QSER1: variants seen among roughly 807,000 people sequenced by gnomAD.
QSER1 encodes the protein glutamine and serine rich 1, also known as glutamine and serine-rich protein 1.
QSER1 carries 49 observed loss-of-function variants against 158.5 expected under a neutral mutation model. That is an observed-to-expected ratio of 0.31 (90% CI 0.25 to 0.39). The LOEUF (loss-of-function observed/expected upper bound fraction) is 0.39, where lower values mean the gene tolerates loss of function less well. Ranked by LOEUF, QSER1 falls within the 10% of genes least tolerant of loss-of-function variation. QSER1 has a pLI of 1.00. For synonymous variants in QSER1, 650 were observed against 715.5 expected, an observed-to-expected ratio of 0.91 and a Z score of 1.46; for missense variants, 1,754 against 2,010.3, an observed-to-expected ratio of 0.87 and a Z score of 2.44.
Position 32,954,163 on chromosome 11 carries a change from A to G in QSER1, c.4484A>G (p.Asp1495Gly). 5.0e-6 allele frequency: 8 copies of G among 1,613,064 alleles called. No individual in the cohort carries two copies. The highest frequency in any genetic ancestry group is 6.8e-6 in the Non-Finnish European group (8 of 1,179,746). ...ERDEFVVKIE[D>G]IETFKEALKT... ...GATGAATTTGTGGTAAAGATAGAAG[A>G]CATAGAGACTTTTAAGGTGATGTCA... The change falls in exon 5 of 13, where the codon GAC (aspartate) becomes GGC (glycine). Residue 1495 changes from aspartate to glycine, a missense_variant. Asp to Gly is a moderately conservative substitution (Grantham distance 94). This residue lies in a region of QSER1 where 1,707 missense variants were observed against 1,919.6 expected (regional missense o/e 0.89). Transcript: ENST00000650167.
In QSER1 at chr11:32,958,006, G is replaced by T; in HGVS notation, c.4889G>T (p.Arg1630Leu). 25 of 1,613,958 alleles carry T rather than the reference G, an allele frequency of 1.5e-5. No individual in the cohort carries two copies. The highest frequency in any genetic ancestry group is 2.1e-5 in the Non-Finnish European group (25 of 1,179,960). ...AAGGCTGAGCCACCACCAAAGAAAC[G>T]GAAAAAATGGAAAGAAGAATTTTCA... is the stretch of plus-strand genomic sequence containing the variant. The part of the protein sequence containing the change: ...KVKAEPPPKK[R>L]KKWKEEFSSS... Residue 1630 changes from arginine (R) to leucine (L), a missense_variant, in exon 8 of 13, where the codon CGG (arginine) becomes CTG (leucine). Transcript: ENST00000650167.
intron 10 of QSER1, among the ~76,000 whole-genome samples, chr11:32,972,406 CTTATTTAT>C (rs34645067): frequency 0.14 from 19,607 of 140,864 alleles, 1,449 homozygotes; most frequent in Middle Eastern, 0.17. Flanking sequence ...AGGCCAGTGG[CTTATTTAT>C]TTATTTATTT....
intron 1 of QSER1, among the ~76,000 whole-genome samples, chr11:32,904,296 G>A (rs1465909290): frequency 1.3e-5 from 2 of 151,558 alleles, no homozygotes; most frequent in Non-Finnish European, 2.9e-5. Context: ...AGGTTCAAGC[G>A]ATTCTCCTGC....
chr11:32,937,505 C>G (rs1852170258), intron 4 of QSER1, among the ~76,000 whole-genome samples: 1 of 152,066 alleles, frequency 6.6e-6, no homozygotes. Context: ...CCAGGCTGGT[C>G]TTGAACTCCT....
intron 11 of QSER1, among the ~76,000 whole-genome samples, chr11:32,974,746 G>C (rs575455576): frequency 3.2e-4 from 48 of 152,282 alleles, no homozygotes; most frequent in African/African-American, 1.1e-3. Flanking sequence ...GGGAGGGACA[G>C]CTATATGTAC....
intron 10 of QSER1, among the ~76,000 whole-genome samples, chr11:32,969,759 G>A (rs941696843): frequency 6.8e-5 from 10 of 147,962 alleles, no homozygotes; most frequent in African/African-American, 2.2e-4. Flanking sequence ...ACCTTGGCTC[G>A]CTGCAACCTC....
chr11:32,972,462 GTC>G (rs1852883578), intron 10 of QSER1, among the ~76,000 whole-genome samples: 1 of 150,414 alleles, frequency 6.6e-6, no homozygotes, highest in Non-Finnish European at 1.5e-5. Context: ...TAGAGATAGA[GTC>G]TCTCTCTGTC....
At chr11:32,924,048 G>A (rs894810665) in intron 1 of QSER1, among the ~76,000 whole-genome samples, 3 of 152,246 alleles carry the variant, frequency 2.0e-5, no homozygotes, top group African/African-American at 7.2e-5. Flanking sequence ...TGAAAAATTT[G>A]AACCTTGAAC....
chr11:32,903,322 GA>G (rs1277875499), intron 1 of QSER1, among the ~76,000 whole-genome samples: 1 of 150,838 alleles, frequency 6.6e-6, no homozygotes, highest in Non-Finnish European at 1.5e-5. Flanking sequence ...ATACATGAGA[GA>G]ACAAAACCAA....
chr11:32,940,634 T>C (rs1852216050), intron 4 of QSER1, among the ~76,000 whole-genome samples: 1 of 152,178 alleles, frequency 6.6e-6, no homozygotes, highest in Non-Finnish European at 1.5e-5. Context: ...CCAGTTTTTC[T>C]TGAGGTCGCT....
At chr11:32,946,439 T>C (rs1852333342) in intron 4 of QSER1, among the ~76,000 whole-genome samples, 1 of 151,428 alleles carries the variant, frequency 6.6e-6, no homozygotes, top group South Asian at 2.1e-4. Context: ...TTCTGTTTGT[T>C]AGTTTTCCTT....
At chr11:32,970,753 A>G (rs1044198314) in intron 10 of QSER1, among the ~76,000 whole-genome samples, 3 of 152,082 alleles carry the variant, frequency 2.0e-5, no homozygotes, top group Non-Finnish European at 2.9e-5. Flanking sequence ...TAAATGAAAT[A>G]TTCTCTTGTG....
chr11:32,933,542 G>A lies in QSER1; in HGVS notation c.2284G>A (p.Glu762Lys), dbSNP rs995004954. The A allele has an allele frequency of 4.3e-6, 7 of 1,613,512 alleles. No homozygotes were observed. The Admixed American group carries it at 8.3e-5, about 19-fold the overall frequency. The change falls in exon 4 of 13, where the codon GAA (glutamate) becomes AAA (lysine). Residue 762 changes from glutamate (E) to lysine (K), a missense_variant. Coordinates refer to ENST00000650167, the MANE Select transcript of QSER1 (RefSeq NM_001076786.3). ...GVALQASKKE[E>K]SVVGSVTQLN... ...TGCTCTGCAAGCATCAAAAAAAGAA[G>A]AAAGTGTTGTTGGTTCAGTGACACA...
In QSER1 at chr11:32,934,630, T is replaced by C; in HGVS notation, c.3372T>C (p.Val1124=). 1.2e-6 allele frequency: 2 copies of C among 1,613,752 alleles called. No individual in the cohort carries two copies. The highest frequency in any genetic ancestry group is 2.2e-5 in the South Asian group (2 of 91,076). The change falls in exon 4 of 13, where the codon GTT becomes GTC. Residue 1124 remains valine, a synonymous_variant. Coordinates refer to ENST00000650167, the MANE Select transcript of QSER1 (RefSeq NM_001076786.3). ...LESEEDSEAP[V]DSTLNNNRNQ... The stretch of plus-strand genomic sequence containing the variant: ...CTGAAGAAGACAGTGAAGCTCCTGT[T>C]GATAGTACATTAAATAATAACAGAA...
chr11:32,956,466 A>G lies in QSER1; in HGVS notation c.4751+345A>G, dbSNP rs554389765. Among the ~76,000 whole-genome samples the G allele has an allele frequency of 3.0e-3, 456 of 152,250 alleles. 1 individual carries two copies. Among genetic ancestry groups the G allele is most frequent in the Middle Eastern group, 0.01 (3 of 294 alleles). On this transcript the variant is annotated intron_variant, in intron 7 of 12. Coordinates refer to ENST00000650167, the MANE Select transcript of QSER1 (RefSeq NM_001076786.3). Reference sequence around the variant, plus strand: ...GCTCCCTTTTTCATCTATAAAATGTAAATAATATAATGAAGTAAATTAAAT... The same window carrying G: ...GCTCCCTTTTTCATCTATAAAATGTGAATAATATAATGAAGTAAATTAAAT...
chr11:32,941,529 A>G (rs1000682137), intron 4 of QSER1, among the ~76,000 whole-genome samples: 7 of 151,536 alleles, frequency 4.6e-5, no homozygotes, highest in South Asian at 2.1e-4. Context: ...ATGATTTCCA[A>G]TTTCATCCAT....
rs1162547024 is a variant in QSER1 at position 32,933,429 on chromosome 11, C to T, written c.2171C>T (p.Ser724Leu). The T allele has an allele frequency of 1.2e-6, 2 of 1,613,614 alleles. No individual in the cohort carries two copies. Among genetic ancestry groups the T allele is most frequent in the Non-Finnish European group, 1.7e-6 (2 of 1,179,906 alleles). The change falls in exon 4 of 13, where the codon TCA (serine) becomes TTA (leucine). Residue 724 changes from serine (S) to leucine (L), a missense_variant. By Grantham distance (145) the Ser-to-Leu change is moderately radical. Around this residue, in one of 2 missense-constraint regions of QSER1, gnomAD observed 1,707 missense variants for 1,919.6 expected, o/e 0.89. Transcript: ENST00000650167. Reference protein sequence around the residue: ...LSDGEINAQESTYKVSKADDR... With the variant: ...LSDGEINAQELTYKVSKADDR... ...GATGGAGAAATTAATGCTCAAGAATCAACTTATAAGGTGTCAAAGGCAGAT... is the reference window on the plus strand; with the variant it reads ...GATGGAGAAATTAATGCTCAAGAATTAACTTATAAGGTGTCAAAGGCAGAT...
At chr11:32,953,037 G>A (rs903838673) in intron 4 of QSER1, among the ~76,000 whole-genome samples, 2 of 151,914 alleles carry the variant, frequency 1.3e-5, no homozygotes, top group East Asian at 1.9e-4. Context: ...TCCTGACCTC[G>A]TGATCTGCCC....
rs1356614132 is a variant in QSER1, at chr11:32,893,670, C to T, written c.209+336C>T. On this transcript the variant is annotated intron_variant, in intron 1 of 12. Transcript: ENST00000650167. The surrounding 1 kb of genome is among the most constrained non-coding windows in gnomAD (Gnocchi z 4.7). ...GATCTGTGAGACCCAGGATTGGCGCCGGGGGTCCGAAGGGGGCGCCGGAGA... is the reference window on the plus strand; with the variant it reads ...GATCTGTGAGACCCAGGATTGGCGCTGGGGGTCCGAAGGGGGCGCCGGAGA... Among the ~76,000 whole-genome samples, 1 of 152,110 alleles carries T rather than the reference C, an allele frequency of 6.6e-6. No homozygotes were observed. The highest frequency in any genetic ancestry group is 1.5e-5 in the Non-Finnish European group (1 of 68,010).
Sources: gnomAD v4.1 joint callset for allele counts (sites outside exome capture counted in the v4.1 genomes callset) on GRCh38, gnomAD v4.1.1 for gene constraint, gnomAD v4.1.1 regional missense constraint, Gnocchi (gnomAD v3.1) non-coding constraint, MANE v1.5 for transcripts, NCBI Gene and HGNC (gene_info 2026-07-23, HGNC 2026-07-21) for gene names.